Variants in RGS7 observed in about 807,000 individuals in gnomAD.
The protein encoded by RGS7 is regulator of G-protein signaling 7.
In RGS7, 27 loss-of-function variants were observed where a neutral mutation model predicts 81.1. The ratio of observed to expected loss-of-function variants is 0.33; its 90% CI spans 0.25 to 0.46. The LOEUF (loss-of-function observed/expected upper bound fraction) is 0.46. RGS7 is among the 20% of genes least tolerant of loss of function. The pLI, the probability that RGS7 is intolerant of heterozygous loss-of-function variation, is 1.00. For missense variants in RGS7, 396 were observed against 607.4 expected (o/e 0.65, Z 3.66); for synonymous variants, 208 against 207.7 (o/e 1.00, Z -0.01).
intron 5 of RGS7, among the ~76,000 whole-genome samples, chr1:240,934,847 T>TGTG (rs1045383589): frequency 6.7e-6 from 1 of 149,086 alleles, no homozygotes; most frequent in Non-Finnish European, 1.5e-5. Flanking sequence ...TTTTCTCCTG[T>TGTG]GTGTATGGTG....
intron 4 of RGS7, among the ~76,000 whole-genome samples, chr1:240,977,880 GAAGA>G (rs1373134321): frequency 2.0e-5 from 3 of 152,222 alleles, no homozygotes; most frequent in African/African-American, 7.2e-5. Context: ...AAACACCACA[GAAGA>G]AATCAGCCAT....
chr1:241,144,303 G>T lies in RGS7; in HGVS notation c.79-45541C>A, dbSNP rs1416762260. ...CTGCTGTTTATACCAAACTTTTCCT[G>T]CAAACGCATCCATCACACACACATG... On this transcript the variant is annotated intron_variant, in intron 2 of 18. Coordinates refer to ENST00000440928, the MANE Select transcript of RGS7 (RefSeq NM_001364886.1). This position sits in a 1 kb window ranked among gnomAD's most constrained non-coding sequence, Gnocchi z 4.7. 6.6e-6 allele frequency among the ~76,000 whole-genome samples: 1 copy of T among 152,152 alleles called. No individual in the cohort carries two copies. Among genetic ancestry groups the T allele is most frequent in the East Asian group, 1.9e-4 (1 of 5,172 alleles).
At chr1:240,995,453 C>G (rs186953274) in intron 3 of RGS7, among the ~76,000 whole-genome samples, 1 of 152,104 alleles carries the variant, frequency 6.6e-6, no homozygotes, top group Admixed American at 6.5e-5. Flanking sequence ...AAACCATGAA[C>G]CTGGAGATTT....
chr1:241,127,569 C>G (rs1045669807), intron 2 of RGS7, among the ~76,000 whole-genome samples: 1 of 151,972 alleles, frequency 6.6e-6, no homozygotes, highest in Non-Finnish European at 1.5e-5. Flanking sequence ...GGAGGGATAG[C>G]GTTAGGAGAT....
chr1:241,003,460 CAAAAAAAAA>C (rs554768415), intron 3 of RGS7, among the ~76,000 whole-genome samples: 2 of 83,360 alleles, frequency 2.4e-5, no homozygotes, highest in African/African-American at 1.0e-4. Context: ...GACTCCGTCT[CAAAAAAAAA>C]AAAAAAAAAA....
At chr1:240,812,914 T>C (rs1690120075) in intron 13 of RGS7, among the ~76,000 whole-genome samples, 1 of 152,214 alleles carries the variant, frequency 6.6e-6, no homozygotes, top group Non-Finnish European at 1.5e-5. Context: ...ATAAAATCTT[T>C]AGCTTGTGGA....
intron 2 of RGS7, among the ~76,000 whole-genome samples, chr1:241,265,170 G>A (rs2077521988): frequency 6.6e-6 from 1 of 152,206 alleles, no homozygotes; most frequent in Non-Finnish European, 1.5e-5. Context: ...GCCTTTGTGT[G>A]GCTGTTCCTG....
chr1:241,319,621 C>T (rs2081094569), intron 2 of RGS7, among the ~76,000 whole-genome samples: 1 of 151,980 alleles, frequency 6.6e-6, no homozygotes, highest in Admixed American at 6.5e-5. Context: ...AATTCCTGGC[C>T]TTAAGTGATC....
chr1:241,148,198 G>A (rs1380695355), intron 2 of RGS7, among the ~76,000 whole-genome samples: 2 of 151,630 alleles, frequency 1.3e-5, no homozygotes, highest in African/African-American at 2.4e-5. Flanking sequence ...TTACAGGTGT[G>A]TGCTACAATG....
At chr1:241,291,569 G>GTTTT in intron 2 of RGS7, among the ~76,000 whole-genome samples, 1 of 28,868 alleles carries the variant, frequency 3.5e-5, no homozygotes, top group Admixed American at 4.8e-4. Context: ...AGAATTCCCA[G>GTTTT]CTTTTTTTTT....
chr1:241,228,185 A>G (rs938745089), intron 2 of RGS7, among the ~76,000 whole-genome samples: 3 of 152,180 alleles, frequency 2.0e-5, no homozygotes, highest in African/African-American at 7.2e-5. Context: ...GCTCTAGTCA[A>G]TAGAGTATCA....
chr1:240,998,778 T>G (rs1251047180), intron 3 of RGS7: 1 of 697,590 alleles, frequency 1.4e-6, no homozygotes, highest in African/African-American at 1.8e-5. Flanking sequence ...GCAGGCGAGC[T>G]GGGAGACGAA....
At chr1:241,025,729 A>G (rs2059751889) in intron 3 of RGS7, among the ~76,000 whole-genome samples, 1 of 152,084 alleles carries the variant, frequency 6.6e-6, no homozygotes, top group Non-Finnish European at 1.5e-5. Context: ...ATTACAGTTC[A>G]TAAGAACAAA....
At chr1:241,141,545 G>A (rs1048050738) in intron 2 of RGS7, among the ~76,000 whole-genome samples, 2 of 152,126 alleles carry the variant, frequency 1.3e-5, no homozygotes, top group South Asian at 4.1e-4. Flanking sequence ...GGAGAAGAAG[G>A]CATCTTCCTC....
chr1:241,089,067 A>C (rs868833892), intron 3 of RGS7, among the ~76,000 whole-genome samples: 4,122 of 25,792 alleles, frequency 0.16, 140 homozygotes, highest in East Asian at 0.29. Flanking sequence ...CTCTCTCTAT[A>C]TATATATATA....
At chr1:241,027,373 T>C (rs2059846640) in intron 3 of RGS7, among the ~76,000 whole-genome samples, 1 of 152,170 alleles carries the variant, frequency 6.6e-6, no homozygotes, top group Admixed American at 6.5e-5. Flanking sequence ...AGAAATTCGT[T>C]TTAATTCTAA....
intron 2 of RGS7, among the ~76,000 whole-genome samples, chr1:241,324,344 A>AC (rs1359988124): frequency 6.7e-6 from 1 of 149,498 alleles, no homozygotes; most frequent in African/African-American, 2.5e-5. Context: ...AAAAAAAACA[A>AC]AAAAAAAAGC....
At chr1:241,248,453 T>C (rs1018243732) in intron 2 of RGS7, among the ~76,000 whole-genome samples, 1 of 149,792 alleles carries the variant, frequency 6.7e-6, no homozygotes, top group East Asian at 2.0e-4. Flanking sequence ...TTTGGAAAAA[T>C]ATATTTTGGT....
At chr1:240,863,569 A>T (rs895847453) in intron 9 of RGS7, among the ~76,000 whole-genome samples, 18 of 152,226 alleles carry the variant, frequency 1.2e-4, no homozygotes, top group Non-Finnish European at 1.6e-4. Context: ...CTAAATATTG[A>T]AGATAGGACT....
Sources: allele counts gnomAD v4.1 joint callset (sites outside exome capture counted in the v4.1 genomes callset), GRCh38; gene constraint gnomAD v4.1.1; non-coding constraint Gnocchi (gnomAD v3.1); transcripts MANE v1.5; gene names NCBI Gene and HGNC (gene_info 2026-07-23, HGNC 2026-07-21).